The following EPHA6 variants were observed in gnomAD, a reference collection of about 807,000 sequenced individuals.
EPHA6 encodes ephrin type-A receptor 6.
A neutral mutation model predicts 112.0 loss-of-function variants in EPHA6; 50 were observed. The observed-to-expected ratio is 0.45, with a 90% CI of 0.36 to 0.56. The LOEUF is 0.56. Among genes scored for constraint, EPHA6 ranks in the 20% least tolerant of loss-of-function variants. EPHA6 has a pLI of 0.00. For missense variants in EPHA6, 1,280 were observed against 1,417.4 expected, an observed-to-expected ratio of 0.90 and a Z score of 1.56; for synonymous variants, 529 against 490.7, an observed-to-expected ratio of 1.08 and a Z score of -1.03.
intron 5 of EPHA6, among the ~76,000 whole-genome samples, chr3:97,281,548 C>G (rs960140484): frequency 3.9e-5 from 6 of 152,024 alleles, no homozygotes; most frequent in African/African-American, 7.2e-5. Flanking sequence ...CATTTTTACA[C>G]TAAACCACAG....
chr3:97,598,266 T>C (rs1270837375), intron 12 of EPHA6, among the ~76,000 whole-genome samples: 1 of 148,810 alleles, frequency 6.7e-6, no homozygotes, highest in African/African-American at 2.6e-5. Context: ...TTAGTTAAGT[T>C]TTTTTTTTAT....
At chr3:97,053,224 A>T (rs1204801968) in intron 3 of EPHA6, among the ~76,000 whole-genome samples, 1 of 152,102 alleles carries the variant, frequency 6.6e-6, no homozygotes, top group African/African-American at 2.4e-5. Flanking sequence ...AACGACTAGG[A>T]GTATAGAGCA....
intron 2 of EPHA6, among the ~76,000 whole-genome samples, chr3:96,943,116 T>C (rs1421545714): frequency 6.6e-6 from 1 of 152,206 alleles, no homozygotes; most frequent in Non-Finnish European, 1.5e-5. Flanking sequence ...TGTTCCTCAC[T>C]TATTTCACGT....
chr3:97,180,153 C>T (rs765544896), intron 3 of EPHA6, among the ~76,000 whole-genome samples: 11 of 152,114 alleles, frequency 7.2e-5, no homozygotes, highest in Middle Eastern at 3.4e-3. Flanking sequence ...GGCAGAGGAG[C>T]GTTCGTTTGT....
At chr3:97,427,641 C>T (rs912587022) in intron 6 of EPHA6, among the ~76,000 whole-genome samples, 1 of 151,716 alleles carries the variant, frequency 6.6e-6, no homozygotes, top group Non-Finnish European at 1.5e-5. Context: ...CCCCATGACA[C>T]AGGTTTACCT....
rs868236001 is a variant in EPHA6 at position 97,659,424 on chromosome 3, A to G, written c.2784+21342A>G. Among the ~76,000 whole-genome samples the G allele has an allele frequency of 1.8e-4, 27 of 152,094 alleles. No homozygotes were observed. In the Middle Eastern group the frequency reaches 0.014, roughly 77 times the overall value. ...GAAATTTATGCTTTTGAGAACATTG[A>G]AGAGATGATGAAAATGTCCCACAGG... On this transcript the variant is annotated intron_variant, in intron 14 of 17. Coordinates refer to ENST00000389672, the MANE Select transcript of EPHA6 (RefSeq NM_001080448.3).
intron 2 of EPHA6, among the ~76,000 whole-genome samples, chr3:96,932,182 T>G (rs1289630473): frequency 1.3e-5 from 2 of 152,154 alleles, no homozygotes; most frequent in Non-Finnish European, 2.9e-5. Flanking sequence ...GATTGAGTTG[T>G]TTGCCTAATC....
At chr3:96,875,816 AAC>A (rs2036910036) in intron 2 of EPHA6, among the ~76,000 whole-genome samples, 1 of 151,964 alleles carries the variant, frequency 6.6e-6, no homozygotes, top group African/African-American at 2.4e-5. Context: ...ACTTACATAA[AAC>A]AGTCTTTTAT....
intron 3 of EPHA6, among the ~76,000 whole-genome samples, chr3:97,016,703 A>G (rs1425601287): frequency 1.3e-5 from 2 of 152,200 alleles, no homozygotes; most frequent in African/African-American, 4.8e-5. Context: ...TTACGCACCT[A>G]TGTAATTCCT....
chr3:97,032,762 G>A (rs139709866), intron 3 of EPHA6, among the ~76,000 whole-genome samples: 1 of 152,106 alleles, frequency 6.6e-6, no homozygotes, highest in African/African-American at 2.4e-5. Context: ...AGTTCTGTGA[G>A]CTTGGTACAA....
chr3:97,393,830 C>T (rs2086554913), intron 5 of EPHA6, among the ~76,000 whole-genome samples: 2 of 151,720 alleles, frequency 1.3e-5, no homozygotes, highest in South Asian at 4.1e-4. Context: ...GATCTTGTGG[C>T]ATTTGTCCTG....
At chr3:97,577,182 T>C (rs910065212) in intron 11 of EPHA6, among the ~76,000 whole-genome samples, 4 of 152,164 alleles carry the variant, frequency 2.6e-5, no homozygotes, top group African/African-American at 9.7e-5. Flanking sequence ...GCCTGCTTTT[T>C]TCTTTTAAAA....
chr3:97,367,730 T>A (rs1385786079), intron 5 of EPHA6, among the ~76,000 whole-genome samples: 1 of 152,138 alleles, frequency 6.6e-6, no homozygotes, highest in Non-Finnish European at 1.5e-5. Context: ...TGGTATGGTA[T>A]ACTTCCTCTT....
intron 2 of EPHA6, among the ~76,000 whole-genome samples, chr3:96,946,303 C>T (rs2041250482): frequency 6.6e-6 from 1 of 151,818 alleles, no homozygotes; most frequent in Non-Finnish European, 1.5e-5. Flanking sequence ...AGGCATATCT[C>T]CTAATGCTAT....
At chr3:97,031,960 GGAT>G (rs1256718585) in intron 3 of EPHA6, among the ~76,000 whole-genome samples, 1 of 151,412 alleles carries the variant, frequency 6.6e-6, no homozygotes. Flanking sequence ...TATACCCAAA[GGAT>G]TATAAATTAT....
At chr3:97,630,624 T>C (rs1472320679) in intron 13 of EPHA6, among the ~76,000 whole-genome samples, 3 of 152,008 alleles carry the variant, frequency 2.0e-5, no homozygotes, top group Middle Eastern at 3.2e-3. Flanking sequence ...CCATAAATAT[T>C]TCTTTTAAAG....
chr3:97,531,516 T>A (rs2092694870), intron 10 of EPHA6, among the ~76,000 whole-genome samples: 1 of 152,036 alleles, frequency 6.6e-6, no homozygotes. Context: ...AGGTCTAGCA[T>A]AAGTTTCATC....
Position 97,114,832 on chromosome 3 carries a change from GATAATT to G in EPHA6, c.1115-111428_1115-111423del, listed in dbSNP as rs2047834331. ...CAACATTCTCACAAGTGTAATCAAT[GATAATT>G]ATATGTAAGCTGATCTAATACAATT... On this transcript the variant is annotated intron_variant, in intron 3 of 17. Coordinates refer to ENST00000389672, the MANE Select transcript of EPHA6 (RefSeq NM_001080448.3). Among the ~76,000 whole-genome samples the G allele has an allele frequency of 3.3e-5, 5 of 151,990 alleles. No homozygotes were observed. The South Asian group carries it at 1.0e-3, about 31-fold the overall frequency.
chr3:97,515,001 T>G (rs961658641), intron 10 of EPHA6, among the ~76,000 whole-genome samples: 1 of 152,174 alleles, frequency 6.6e-6, no homozygotes, highest in Non-Finnish European at 1.5e-5. Context: ...GACAATGAGA[T>G]GGTCCTTACA....
Sources: gnomAD v4.1 joint callset for allele counts (sites outside exome capture counted in the v4.1 genomes callset) on GRCh38, gnomAD v4.1.1 for gene constraint, MANE v1.5 for transcripts, NCBI Gene and HGNC (gene_info 2026-07-23, HGNC 2026-07-21) for gene names.